The following NTM variants were observed in gnomAD, a reference collection of about 807,000 sequenced individuals.
NTM encodes neurotrimin, also known as IgLON family member 2.
A neutral mutation model predicts 42.1 loss-of-function variants in NTM; 13 were observed. The observed-to-expected ratio is 0.31, with a 90% CI of 0.20 to 0.49. The LOEUF (loss-of-function observed/expected upper bound fraction) is 0.49, where lower values mean the gene tolerates loss of function less well. NTM is among the 20% of genes least tolerant of loss of function. NTM has a pLI of 0.99. For missense variants in NTM, 373 were observed against 452.8 expected, an observed-to-expected ratio of 0.82 and a Z score of 1.60; for synonymous variants, 187 against 179.2, an observed-to-expected ratio of 1.04 and a Z score of -0.35.
At chr11:132,176,055 C>G (rs1353632608) in intron 3 of NTM, among the ~76,000 whole-genome samples, 1 of 152,090 alleles carries the variant, frequency 6.6e-6, no homozygotes, top group South Asian at 2.1e-4. Flanking sequence ...ATGCTTGACA[C>G]TAAAGAAAGG....
At chr11:131,788,157 G>A (rs940325143) in intron 1 of NTM, among the ~76,000 whole-genome samples, 2 of 151,950 alleles carry the variant, frequency 1.3e-5, no homozygotes, top group East Asian at 1.9e-4. Flanking sequence ...TGTTAAGTCC[G>A]TCATTTTAGG....
intron 1 of NTM, among the ~76,000 whole-genome samples, chr11:131,890,928 C>T (rs2051228919): frequency 6.6e-6 from 1 of 152,142 alleles, no homozygotes; most frequent in African/African-American, 2.4e-5. Flanking sequence ...TGTCCTCATT[C>T]TGGGCAAGCA....
intron 3 of NTM, among the ~76,000 whole-genome samples, chr11:132,208,316 A>G (rs1031101093): frequency 1.3e-5 from 2 of 152,216 alleles, no homozygotes; most frequent in African/African-American, 2.4e-5. Flanking sequence ...CATCTTAGGC[A>G]TATGCCAATT....
In NTM at chr11:131,468,591, AAG is replaced by A. The variant is rs59612790; in HGVS notation, c.82+97709_82+97710del. ...TATTTTTCTGATGCTACAGTGAAAA[AAG>A]AGAGAAAATATCATGTCAATGTCAT... On this transcript the variant is annotated intron_variant, in intron 1 of 8. Coordinates refer to ENST00000683400, the MANE Select transcript of NTM (RefSeq NM_001352005.2). Among the ~76,000 whole-genome samples the A allele has an allele frequency of 6.2e-3, 951 of 152,262 alleles. 9 individuals carry two copies. Among genetic ancestry groups the A allele is most frequent in the African/African-American group, 0.022 (898 of 41,542 alleles).
At chr11:131,916,582 G>A (rs564406) in intron 2 of NTM, among the ~76,000 whole-genome samples, 3 of 152,116 alleles carry the variant, frequency 2.0e-5, no homozygotes, top group South Asian at 4.2e-4. Context: ...TTGAGAGGAC[G>A]CGGGAGTCAC....
At chr11:132,058,449 T>G (rs1280491023) in intron 2 of NTM, among the ~76,000 whole-genome samples, 1 of 152,190 alleles carries the variant, frequency 6.6e-6, no homozygotes, top group Admixed American at 6.5e-5. Context: ...CATGTCTTTC[T>G]GTTTGGTGTA....
At chr11:131,380,421 G>A (rs1212423743) in intron 1 of NTM, among the ~76,000 whole-genome samples, 1 of 151,922 alleles carries the variant, frequency 6.6e-6, no homozygotes, top group Non-Finnish European at 1.5e-5. Flanking sequence ...ATGTTGGTCA[G>A]GCTGGTCTTG....
intron 6 of NTM, 62 bp from the exon 7 acceptor site, chr11:132,314,487 ATCT>A: frequency 1.3e-6 from 2 of 1,527,560 alleles, no homozygotes; most frequent in Non-Finnish European, 1.8e-6. Context: ...CCCTGGGCCT[ATCT>A]TCTTCCTATG....
intron 4 of NTM, among the ~76,000 whole-genome samples, chr11:132,279,848 G>A (rs2093899650): frequency 1.3e-5 from 2 of 152,192 alleles, no homozygotes; most frequent in East Asian, 1.9e-4. Context: ...GATTCACATC[G>A]TGTTATAATA....
At chr11:131,787,241 T>C (rs1308149492) in intron 1 of NTM, among the ~76,000 whole-genome samples, 3 of 151,578 alleles carry the variant, frequency 2.0e-5, no homozygotes, top group Non-Finnish European at 4.4e-5. Flanking sequence ...TAATATTTTA[T>C]AGTTAATTGT....
intron 1 of NTM, among the ~76,000 whole-genome samples, chr11:131,619,763 C>T (rs979625237): frequency 1.3e-5 from 2 of 151,174 alleles, no homozygotes; most frequent in Middle Eastern, 3.2e-3. Flanking sequence ...GATAAGTCAC[C>T]CAGTAAAATA....
At chr11:131,568,102 TTC>T (rs1310284065) in intron 1 of NTM, among the ~76,000 whole-genome samples, 4 of 152,258 alleles carry the variant, frequency 2.6e-5, no homozygotes, top group Admixed American at 1.3e-4. Flanking sequence ...AGGAGGAAAA[TTC>T]TCTCTGTTTC....
intron 2 of NTM, among the ~76,000 whole-genome samples, chr11:132,061,867 A>T (rs1013081773): frequency 7.9e-5 from 12 of 152,072 alleles, no homozygotes; most frequent in Non-Finnish European, 1.6e-4. Context: ...AGATTTTTTT[A>T]AAAATTTTCT....
intron 1 of NTM, among the ~76,000 whole-genome samples, chr11:131,491,489 A>G (rs74800804): frequency 0.011 from 1,597 of 147,046 alleles, 33 homozygotes; most frequent in African/African-American, 0.04. Flanking sequence ...CTAATTTTAT[A>G]TTTGTAATTG....
At chr11:131,775,506 C>T (rs1026053952) in intron 1 of NTM, among the ~76,000 whole-genome samples, 1 of 152,116 alleles carries the variant, frequency 6.6e-6, no homozygotes, top group Admixed American at 6.5e-5. Flanking sequence ...TTTAGTTGCT[C>T]TTATTTAATA....
intron 3 of NTM, among the ~76,000 whole-genome samples, chr11:132,179,136 A>G (rs1232099052): frequency 6.6e-6 from 1 of 152,358 alleles, no homozygotes; most frequent in Non-Finnish European, 1.5e-5. Flanking sequence ...CTGCTAAAAT[A>G]TAACACAATG....
chr11:132,006,023 A>G (rs139885278), intron 2 of NTM, among the ~76,000 whole-genome samples: 1 of 152,294 alleles, frequency 6.6e-6, no homozygotes, highest in East Asian at 1.9e-4. Flanking sequence ...TCTCTGCATT[A>G]TTATCTTGTC....
intron 1 of NTM, among the ~76,000 whole-genome samples, chr11:131,501,094 C>T (rs1223303268): frequency 1.3e-5 from 2 of 151,990 alleles, no homozygotes; most frequent in African/African-American, 2.4e-5. Flanking sequence ...TTCAGATGGT[C>T]TGACTTCCGG....
chr11:131,724,453 G>A (rs537294089), intron 1 of NTM, among the ~76,000 whole-genome samples: 7 of 152,270 alleles, frequency 4.6e-5, no homozygotes, highest in African/African-American at 1.4e-4. Context: ...CTCAAGTCAT[G>A]TACACATTTC....
Sources: allele counts gnomAD v4.1 joint callset (sites outside exome capture counted in the v4.1 genomes callset), GRCh38; gene constraint gnomAD v4.1.1; transcripts MANE v1.5; gene names NCBI Gene and HGNC (gene_info 2026-07-23, HGNC 2026-07-21).